Variants in WNK3 observed in about 807,000 individuals in gnomAD.
The protein encoded by WNK3 is WNK lysine deficient protein kinase 3, also known as serine/threonine-protein kinase WNK3.
In WNK3, 18 loss-of-function variants were observed where a neutral mutation model predicts 116.7. That is an observed-to-expected ratio of 0.15 (90% CI 0.11 to 0.23). The LOEUF is 0.23. Ranked by LOEUF, WNK3 falls within the 10% of genes least tolerant of loss-of-function variation. The pLI is 1.00. For missense variants in WNK3, 993 were observed against 1,323.8 expected (o/e 0.75, Z 3.88); for synonymous variants, 404 against 469.4 (o/e 0.86, Z 1.80).
At chrX:54,264,681 A>G (rs1224053567) in intron 10 of WNK3, among the ~76,000 whole-genome samples, 1 of 111,148 alleles carries the variant, frequency 9.0e-6, no homozygotes, top group East Asian at 2.8e-4. Context: ...AGGCAGATAG[A>G]ACTGAATTGA....
intron 6 of WNK3, among the ~76,000 whole-genome samples, chrX:54,300,898 T>C (rs2068750598): frequency 9.0e-6 from 1 of 110,937 alleles, no homozygotes; most frequent in South Asian, 3.8e-4. Flanking sequence ...GAAGTAAAAA[T>C]CAAAAGACAA....
intron 20 of WNK3, among the ~76,000 whole-genome samples, chrX:54,233,261 T>TAA (rs782394068): frequency 4.0e-4 from 31 of 76,918 alleles, no homozygotes; most frequent in African/African-American, 1.4e-3. Flanking sequence ...CCTATCTCTC[T>TAA]AAAAAAAAAA....
intron 17 of WNK3, among the ~76,000 whole-genome samples, chrX:54,247,340 T>G (rs782755786): frequency 5.5e-4 from 61 of 111,244 alleles, no homozygotes; most frequent in Non-Finnish European, 1.0e-3. Flanking sequence ...TTTAAAAAAT[T>G]TTTAAATCTT....
chrX:54,354,683 T>C (rs2069568950), intron 1 of WNK3, among the ~76,000 whole-genome samples: 1 of 111,485 alleles, frequency 9.0e-6, no homozygotes, highest in Non-Finnish European at 1.9e-5. Context: ...CCCCGGAACT[T>C]AAAAAATAAT....
chrX:54,203,757 G>A (rs892246588), intron 22 of WNK3, among the ~76,000 whole-genome samples: 1 of 109,825 alleles, frequency 9.1e-6, no homozygotes, highest in Admixed American at 9.8e-5. Flanking sequence ...GACCTGCCTG[G>A]CCAACATGAT....
Position 54,222,941 on chromosome X carries a change from A to ATATAT in WNK3, c.4870+5772_4870+5773insATATA, listed in dbSNP as rs59332285. On this transcript the variant is annotated intron_variant, in intron 22 of 23. Coordinates refer to ENST00000354646, the Ensembl canonical transcript of WNK3. ...ATATATATATATATATATATATATA[A>ATATAT]AAAAAGACACAATAGAATTTAAATG... Among the ~76,000 whole-genome samples the ATATAT allele has an allele frequency of 2.7e-3, 226 of 84,035 alleles. 1 individual carries two copies. Among genetic ancestry groups the ATATAT allele is most frequent in the African/African-American group, 1.0e-2 (156 of 15,636 alleles). The allele number at this position is 84,035 out of a possible 115,157, so 73.0% of individuals were successfully genotyped here.
At chrX:54,357,593 A>T (rs2069612407) in intron 1 of WNK3, 93 bp downstream of exon 1, 1 of 109,806 alleles carries the variant, frequency 9.1e-6, no homozygotes, top group Non-Finnish European at 1.9e-5. Context: ...CCCTCCATTC[A>T]TCCCTGGCCC....
chrX:54,207,592 C>T (rs1383919578), intron 22 of WNK3, among the ~76,000 whole-genome samples: 1 of 102,885 alleles, frequency 9.7e-6, no homozygotes, highest in Non-Finnish European at 2.0e-5. Flanking sequence ...CGGCTCACTG[C>T]AACCTCCGCT....
At chrX:54,351,825 T>C (rs781863329) in intron 1 of WNK3, among the ~76,000 whole-genome samples, 1 of 111,071 alleles carries the variant, frequency 9.0e-6, no homozygotes, top group African/African-American at 3.3e-5. Context: ...GGCACAAGAA[T>C]TGCTTGAACC....
chrX:54,252,110 A>G (rs2068139472), intron 13 of WNK3, among the ~76,000 whole-genome samples: 1 of 109,660 alleles, frequency 9.1e-6, no homozygotes, highest in Admixed American at 9.8e-5. Context: ...AAAAAGAAGA[A>G]TAAAATTAAA....
intron 1 of WNK3, among the ~76,000 whole-genome samples, chrX:54,349,835 A>AGGC (rs2069489748): frequency 9.0e-6 from 1 of 110,864 alleles, no homozygotes; most frequent in South Asian, 3.8e-4. Context: ...AACTATGACC[A>AGGC]TGCCACTGCA....
intron 10 of WNK3, among the ~76,000 whole-genome samples, chrX:54,279,000 G>A (rs1021471905): frequency 2.7e-5 from 3 of 111,013 alleles, no homozygotes; most frequent in African/African-American, 9.8e-5. Flanking sequence ...CCCGGGAGGC[G>A]GAGGTTGCAG....
chrX:54,336,342 C>A (rs1482233565), intron 1 of WNK3, among the ~76,000 whole-genome samples: 8 of 97,921 alleles, frequency 8.2e-5, no homozygotes, highest in African/African-American at 3.0e-4. Context: ...CCCTCCCCAT[C>A]CCCCCAAAAA....
chrX:54,281,765 G>A (rs963986688), intron 10 of WNK3, among the ~76,000 whole-genome samples: 6 of 110,822 alleles, frequency 5.4e-5, no homozygotes, highest in African/African-American at 2.0e-4. Context: ...TTTTTTAGTG[G>A]CTGATTTCCT....
rs1050618331 is a variant in WNK3 at position 54,255,628 on chromosome X, T to A, written c.2250+112A>T. On this transcript the variant is annotated intron_variant, in intron 12 of 23. Coordinates refer to ENST00000354646, the Ensembl canonical transcript of WNK3. ...GGAAAGTCTGTAACGGAGAAAAGGTTAGTTTAGAGAGGGTCTCGCAATATT... is the reference window on the plus strand; with the variant it reads ...GGAAAGTCTGTAACGGAGAAAAGGTAAGTTTAGAGAGGGTCTCGCAATATT... The A allele has an allele frequency of 1.8e-5, 11 of 618,933 alleles. No individual in the cohort carries two copies. In the African/African-American group the frequency reaches 2.5e-4, roughly 14 times the overall value. 51.0% of individuals were successfully genotyped at this position (618,933 alleles called of 1,213,427 possible). A position where few individuals can be genotyped will look rare whatever the true frequency, so the allele number is the denominator to read the frequency against.
chrX:54,355,895 TA>T (rs1180307613), intron 1 of WNK3, among the ~76,000 whole-genome samples: 2 of 111,762 alleles, frequency 1.8e-5, no homozygotes, highest in Admixed American at 1.9e-4. Flanking sequence ...TCTACTGTAC[TA>T]TTTAATACAT....
intron 5 of WNK3, among the ~76,000 whole-genome samples, chrX:54,304,947 G>T (rs1459092936): frequency 5.4e-5 from 6 of 110,346 alleles, no homozygotes; most frequent in African/African-American, 2.0e-4. Context: ...GACCAGCCTG[G>T]CCAGCATAGC....
At chrX:54,333,484 C>T in exon 2 of WNK3, 1 of 1,211,448 alleles carries the variant, frequency 8.3e-7, no homozygotes, top group Non-Finnish European at 1.1e-6. Flanking sequence ...TCCGTCATTT[C>T]AACACTCTTT....
intron 20 of WNK3, among the ~76,000 whole-genome samples, chrX:54,234,854 C>A (rs1399437167): frequency 9.2e-6 from 1 of 108,544 alleles, no homozygotes; most frequent in Non-Finnish European, 1.9e-5. Context: ...AAAAACCAAA[C>A]CAAAACAAAA....
Sources: gnomAD v4.1 joint callset for allele counts (sites outside exome capture counted in the v4.1 genomes callset) on GRCh38, gnomAD v4.1.1 for gene constraint, MANE v1.5 for transcripts, NCBI Gene and HGNC (gene_info 2026-07-23, HGNC 2026-07-21) for gene names.